Variants in BRD7 observed in about 807,000 individuals in gnomAD.
BRD7 encodes the protein bromodomain-containing protein 7.
BRD7 carries 15 observed loss-of-function variants against 82.1 expected under a neutral mutation model. The ratio of observed to expected loss-of-function variants is 0.18; its 90% CI spans 0.12 to 0.28. The LOEUF (loss-of-function observed/expected upper bound fraction) is 0.28. Ranked by LOEUF, BRD7 falls within the 10% of genes least tolerant of loss-of-function variation. The probability of loss-of-function intolerance (pLI) is 1.00; values close to 1 mark genes in which losing one functional copy is unlikely to be tolerated. For synonymous variants in BRD7, 232 were observed against 266.9 expected, an observed-to-expected ratio of 0.87 and a Z score of 1.27; for missense variants, 638 against 779.9, an observed-to-expected ratio of 0.82 and a Z score of 2.17.
chr16:50,352,366 T>A (rs1183442149), intron 4 of BRD7, among the ~76,000 whole-genome samples: 1 of 152,004 alleles, frequency 6.6e-6, no homozygotes, highest in Non-Finnish European at 1.5e-5. Flanking sequence ...TTGTTACAAA[T>A]GATAGTATTT....
chr16:50,319,769 G>T, intron 16 of BRD7, 118 bp downstream of exon 16: 1 of 1,293,976 alleles, frequency 7.7e-7, no homozygotes, highest in Non-Finnish European at 1.1e-6. Flanking sequence ...TACAGATTTT[G>T]CTATCTTTGT....
At chr16:50,365,601 C>T (rs551065678) in intron 2 of BRD7, among the ~76,000 whole-genome samples, 1 of 152,116 alleles carries the variant, frequency 6.6e-6, no homozygotes, top group African/African-American at 2.4e-5. Context: ...TTAATATCCT[C>T]AGAGAAAGAA....
intron 2 of BRD7, among the ~76,000 whole-genome samples, chr16:50,362,671 T>G (rs973905077): frequency 6.6e-6 from 1 of 152,180 alleles, no homozygotes; most frequent in Admixed American, 6.5e-5. Context: ...GAGGACATTG[T>G]GCTAAATGAT....
intron 2 of BRD7, among the ~76,000 whole-genome samples, chr16:50,355,897 G>A (rs1315300324): frequency 1.3e-5 from 2 of 152,112 alleles, no homozygotes; most frequent in Non-Finnish European, 2.9e-5. Context: ...TCTAACGATA[G>A]ACTGAGATAA....
chr16:50,320,590 G>C (rs1034922627), intron 14 of BRD7, 73 bp downstream of exon 14: 10 of 1,405,010 alleles, frequency 7.1e-6, no homozygotes, highest in Non-Finnish European at 1.0e-5. Context: ...ATGTTAATCT[G>C]TACTTATGAG....
In BRD7 at chr16:50,354,802, T is replaced by G. The variant is rs1242965833; in HGVS notation, c.379A>C (p.Lys127Gln). ...PEKPLTSSLA[K>Q]QEEVEQTPLQ... Reference sequence around the variant, plus strand: ...TCAGAGTTATTCCAACCTTCTTGTTTGGCTAAAGAGCTTGTGAGAGGCTTC... The same window carrying G: ...TCAGAGTTATTCCAACCTTCTTGTTGGGCTAAAGAGCTTGTGAGAGGCTTC... Residue 127 changes from lysine to glutamine, a missense_variant, in exon 3 of 17, where the codon AAA becomes CAA. Physicochemically the swap from Lys to Gln is moderately conservative, Grantham distance 53. Around this residue, in one of 3 missense-constraint regions of BRD7, gnomAD observed 172 missense variants for 155.3 expected, o/e 1.11. Transcript: ENST00000394688. 1 of 1,610,966 alleles carries G rather than the reference T, an allele frequency of 6.2e-7. No individual in the cohort carries two copies.
At chr16:50,331,890 TAGAA>T (rs532492267) in intron 8 of BRD7, among the ~76,000 whole-genome samples, 117 of 152,144 alleles carry the variant, frequency 7.7e-4, no homozygotes, top group Non-Finnish European at 1.2e-3. Flanking sequence ...ATAAACAAAG[TAGAA>T]AGACCACTCA....
intron 2 of BRD7, among the ~76,000 whole-genome samples, chr16:50,366,741 TTG>T (rs1336137944): frequency 6.6e-6 from 1 of 152,196 alleles, no homozygotes; most frequent in African/African-American, 2.4e-5. Flanking sequence ...GCAGCCTGCT[TTG>T]TGTCAAAAAG....
chr16:50,326,270 T>C lies in BRD7; in HGVS notation c.1195+14A>G, dbSNP rs2037333248. ...CAGAGAAGAGAAAAAATGACTCCTA[T>C]GCAGGAGCCTCACCTGGAGTGACTT... On this transcript the variant is annotated intron_variant, in intron 10 of 16. Transcript: ENST00000394688. 6 of 1,605,580 alleles carry C rather than the reference T, an allele frequency of 3.7e-6. No homozygotes were observed. The highest frequency in any genetic ancestry group is 5.1e-6 in the Non-Finnish European group (6 of 1,173,250).
chr16:50,326,516 C>A (rs1285996932), intron 9 of BRD7, 125 bp from the exon 10 acceptor site: 2 of 538,442 alleles, frequency 3.7e-6, no homozygotes, highest in Non-Finnish European at 6.3e-6. Context: ...GGCTGGGAAG[C>A]GCTTACTACA....
At chr16:50,351,293 T>C (rs982371735) in intron 4 of BRD7, among the ~76,000 whole-genome samples, 4 of 151,956 alleles carry the variant, frequency 2.6e-5, no homozygotes, top group African/African-American at 4.8e-5. Context: ...AATAAAAGAG[T>C]AGAAATCTGA....
intron 1 of BRD7, 104 bp from the exon 2 acceptor site, chr16:50,368,402 G>T (rs920615519): frequency 7.3e-6 from 9 of 1,231,274 alleles, no homozygotes; most frequent in Non-Finnish European, 8.9e-6. Flanking sequence ...AGCCCGAGGC[G>T]GCTTTGGGCG....
intron 14 of BRD7, 31 bp from the exon 15 acceptor site, chr16:50,320,422 T>G (rs1466914527): frequency 1.2e-6 from 2 of 1,606,542 alleles, no homozygotes; most frequent in Middle Eastern, 1.7e-4. Context: ...CACACTTCTG[T>G]TTGATCTTGT....
intron 5 of BRD7, among the ~76,000 whole-genome samples, chr16:50,344,156 G>A (rs533837560): frequency 6.6e-6 from 1 of 152,114 alleles, no homozygotes; most frequent in East Asian, 1.9e-4. Context: ...AGGGTCTGGA[G>A]TAGACCCCCA....
At chr16:50,332,237 TCCAATAAAGGACTAACTAC>T (rs2151153046) in intron 8 of BRD7, among the ~76,000 whole-genome samples, 1 of 105,402 alleles carries the variant, frequency 9.5e-6, no homozygotes, top group Non-Finnish European at 1.8e-5. Context: ...GAACTACGCA[TCCAATAAAGGACTAACTAC>T]GCATCCAATA....
intron 1 of BRD7, 113 bp downstream of exon 1, chr16:50,368,613 T>G (rs1597111464): frequency 9.3e-7 from 1 of 1,077,500 alleles, no homozygotes; most frequent in Non-Finnish European, 1.2e-6. Flanking sequence ...TTCGCCGGCC[T>G]GGGCCTGCCG....
chr16:50,353,916 A>G (rs2038635770), intron 4 of BRD7, among the ~76,000 whole-genome samples: 1 of 152,154 alleles, frequency 6.6e-6, no homozygotes, highest in African/African-American at 2.4e-5. Flanking sequence ...ATATTTTAAT[A>G]AAGATTGAGT....
At position 50,334,695 on chromosome 16, in the gene BRD7, C is replaced by T. The variant is rs111468620; in HGVS notation, c.887+16G>A. The T allele has an allele frequency of 1.6e-3, 2,656 of 1,611,448 alleles. 45 individuals are homozygous for T. The African/African-American group carries it at 0.031, about 19-fold the overall frequency. ...GAAGAAGACAGTTTGACCTTAACAT[C>T]CCAAAGATCTTTTACTTTTTATTTT... On this transcript the variant is annotated intron_variant, in intron 7 of 16. Transcript: ENST00000394688.
chr16:50,337,707 T>A (rs1303777019), intron 6 of BRD7, among the ~76,000 whole-genome samples: 1 of 152,150 alleles, frequency 6.6e-6, no homozygotes, highest in African/African-American at 2.4e-5. Flanking sequence ...CACGGAAGGG[T>A]GTGCTGGGCT....
Sources: gnomAD v4.1 joint callset for allele counts (sites outside exome capture counted in the v4.1 genomes callset) on GRCh38, gnomAD v4.1.1 for gene constraint, gnomAD v4.1.1 regional missense constraint, MANE v1.5 for transcripts, NCBI Gene and HGNC (gene_info 2026-07-23, HGNC 2026-07-21) for gene names.